Variants in ADGRV1 observed in about 807,000 individuals in gnomAD.
The protein encoded by ADGRV1 is adhesion G protein-coupled receptor V1, also known as G-protein coupled receptor 98.
A neutral mutation model predicts 596.2 loss-of-function variants in ADGRV1; 359 were observed. That is an observed-to-expected ratio of 0.60 (90% confidence interval 0.55 to 0.66). The LOEUF (loss-of-function observed/expected upper bound fraction) is 0.66. ADGRV1 is among the 30% of genes least tolerant of loss of function. The probability of loss-of-function intolerance (pLI) is 0.00; values close to 1 mark genes in which losing one functional copy is unlikely to be tolerated. For missense variants in ADGRV1, 7,274 were observed against 7,575.6 expected (o/e 0.96, Z 1.48); for synonymous variants, 2,681 against 2,679.2 (o/e 1.00, Z -0.02).
intron 83 of ADGRV1, among the ~76,000 whole-genome samples, chr5:90,896,522 C>G (rs1771340497): frequency 6.6e-6 from 1 of 151,804 alleles, no homozygotes; most frequent in South Asian, 2.1e-4. Flanking sequence ...GGATTGACCC[C>G]CCTCAGCCTC....
chr5:90,568,087 C>G (rs1056767097), intron 1 of ADGRV1, among the ~76,000 whole-genome samples: 22 of 152,004 alleles, frequency 1.4e-4, no homozygotes, highest in Non-Finnish European at 2.9e-4. Flanking sequence ...TTGATTTTCT[C>G]TGTTGTATTT....
intron 58 of ADGRV1, among the ~76,000 whole-genome samples, chr5:90,761,663 G>A (rs1229177339): frequency 6.6e-6 from 1 of 152,148 alleles, no homozygotes. Context: ...AAGCACACTT[G>A]TTCTGGGAAA....
At chr5:90,972,444 A>T (rs1295588555) in intron 84 of ADGRV1, among the ~76,000 whole-genome samples, 2 of 152,224 alleles carry the variant, frequency 1.3e-5, no homozygotes, top group Non-Finnish European at 2.9e-5. Flanking sequence ...TTGACCACAT[A>T]GTTGGAAGTA....
intron 85 of ADGRV1, among the ~76,000 whole-genome samples, chr5:91,006,309 A>G (rs753222624): frequency 6.6e-6 from 1 of 152,208 alleles, no homozygotes; most frequent in Non-Finnish European, 1.5e-5. Context: ...AAAGCCAACC[A>G]TAAGAAATAT....
chr5:90,675,222 T>C, intron 23 of ADGRV1, 21 bp from the exon 24 acceptor site: 1 of 1,605,008 alleles, frequency 6.2e-7, no homozygotes, highest in Non-Finnish European at 8.5e-7. Context: ...GACAATGCCC[T>C]GGCCCCTTTG....
intron 87 of ADGRV1, among the ~76,000 whole-genome samples, chr5:91,111,704 C>T (rs1405049548): frequency 6.6e-6 from 1 of 152,100 alleles, no homozygotes; most frequent in Admixed American, 6.5e-5. Context: ...ATGAACTATT[C>T]ATGAAGAGCG....
At chr5:91,081,802 A>C (rs1212277069) in intron 86 of ADGRV1, among the ~76,000 whole-genome samples, 3 of 152,164 alleles carry the variant, frequency 2.0e-5, no homozygotes, top group Non-Finnish European at 4.4e-5. Flanking sequence ...TAAATAAATA[A>C]ATAAAAATTT....
At chr5:91,083,008 A>G (rs969334724) in intron 86 of ADGRV1, among the ~76,000 whole-genome samples, 3 of 152,230 alleles carry the variant, frequency 2.0e-5, no homozygotes, top group African/African-American at 7.2e-5. Context: ...AGATCCGGAA[A>G]TAAAGGAAAA....
chr5:90,738,249 A>AT (rs550225006), intron 50 of ADGRV1, among the ~76,000 whole-genome samples: 12 of 151,942 alleles, frequency 7.9e-5, no homozygotes, highest in African/African-American at 2.4e-4. Flanking sequence ...TGATCTCAGA[A>AT]TTTTTTTTGT....
In ADGRV1 at chr5:91,035,844, G is replaced by GTA. The variant is rs369415276; in HGVS notation, c.18153-36587_18153-36586dup. Among the ~76,000 whole-genome samples the GTA allele has an allele frequency of 4.0e-3, 138 of 34,696 alleles. 1 individual carries two copies. The highest frequency in any genetic ancestry group is 6.1e-3 in the African/African-American group (95 of 15,592). The allele number at this position is 34,696 out of a possible 152,430, so 22.8% of individuals were successfully genotyped here. On this transcript the variant is annotated intron_variant, in intron 85 of 89. Coordinates refer to ENST00000405460, the MANE Select transcript of ADGRV1 (RefSeq NM_032119.4). Reference sequence around the variant, plus strand: ...GATGTTGTAAGTAATAAATGAGTGTGTATATATATATATATATTATATATA... The same window carrying GTA: ...GATGTTGTAAGTAATAAATGAGTGTGTATATATATATATATATATTATATATA...
intron 9 of ADGRV1, among the ~76,000 whole-genome samples, chr5:90,634,486 T>C (rs1479235196): frequency 6.6e-6 from 1 of 152,236 alleles, no homozygotes; most frequent in Non-Finnish European, 1.5e-5. Context: ...ATGTTATACA[T>C]TGCAGTTCTT....
In ADGRV1 at chr5:91,072,573, T is replaced by A; in HGVS notation, c.18279T>A (p.Asp6093Glu). 6.2e-7 allele frequency: 1 copy of A among 1,613,864 alleles called. No individual in the cohort carries two copies. Among genetic ancestry groups the A allele is most frequent in the Non-Finnish European group, 8.5e-7 (1 of 1,179,772 alleles). The change falls in exon 86 of 90, where the codon GAT becomes GAA. Residue 6093 changes from aspartate to glutamate, a missense_variant. Physicochemically the swap from Asp to Glu is conservative, Grantham distance 45 (BLOSUM62 2). Transcript: ENST00000405460. ...TGAAGCCACAGTGGAAAGCATATGA[T>A]GATGTCTTCAGAGGAAGGACAAATG... ...YQVKPQWKAY[D>E]DVFRGRTNAA...
chr5:91,162,146 G>A (rs1797002478), intron 89 of ADGRV1, among the ~76,000 whole-genome samples: 1 of 152,212 alleles, frequency 6.6e-6, no homozygotes, highest in Non-Finnish European at 1.5e-5. Context: ...ATGAGATGGA[G>A]CAGGCAGGTT....
At chr5:90,983,836 T>C (rs540413156) in intron 84 of ADGRV1, among the ~76,000 whole-genome samples, 4 of 152,220 alleles carry the variant, frequency 2.6e-5, no homozygotes, top group Non-Finnish European at 5.9e-5. Flanking sequence ...CAAACATTTT[T>C]ATCCTTCCCT....
At chr5:91,130,001 TAC>T (rs1479526939) in intron 87 of ADGRV1, among the ~76,000 whole-genome samples, 4 of 152,172 alleles carry the variant, frequency 2.6e-5, no homozygotes, top group Non-Finnish European at 5.9e-5. Context: ...GAGATCTGTG[TAC>T]TTCTCATAAC....
intron 45 of ADGRV1, among the ~76,000 whole-genome samples, chr5:90,721,381 G>A (rs1357858136): frequency 6.6e-6 from 1 of 151,696 alleles, no homozygotes; most frequent in African/African-American, 2.4e-5. Flanking sequence ...GCAGGCGCCT[G>A]TGGTCCCAGC....
chr5:90,862,288 A>G (rs1767669702), intron 82 of ADGRV1, among the ~76,000 whole-genome samples: 1 of 141,812 alleles, frequency 7.1e-6, no homozygotes, highest in African/African-American at 2.7e-5. Flanking sequence ...AGCAGAGCAC[A>G]TATTTGTGAT....
chr5:90,889,114 C>T (rs1770564437), intron 83 of ADGRV1, among the ~76,000 whole-genome samples: 1 of 152,074 alleles, frequency 6.6e-6, no homozygotes, highest in Non-Finnish European at 1.5e-5. Context: ...CCCAAACAAG[C>T]ATTTTTTCAA....
At chr5:90,820,430 T>G (rs552973625) in intron 75 of ADGRV1, among the ~76,000 whole-genome samples, 209 of 151,616 alleles carry the variant, frequency 1.4e-3, no homozygotes, top group Non-Finnish European at 1.5e-3. Context: ...AAAGTTAATA[T>G]TGTTATGTGT....
Sources: allele counts gnomAD v4.1 joint callset (sites outside exome capture counted in the v4.1 genomes callset), GRCh38; gene constraint gnomAD v4.1.1; transcripts MANE v1.5; gene names NCBI Gene and HGNC (gene_info 2026-07-23, HGNC 2026-07-21).